The following GDA variants were observed in gnomAD, a reference collection of about 807,000 sequenced individuals.
The protein encoded by GDA is guanine deaminase.
A neutral mutation model predicts 59.6 loss-of-function variants in GDA; 18 were observed. The observed-to-expected ratio is 0.30, with a 90% CI of 0.21 to 0.45. GDA has a LOEUF of 0.45. GDA is among the 20% of genes least tolerant of loss of function. The pLI, the probability that GDA is intolerant of heterozygous loss-of-function variation, is 1.00. For missense variants in GDA, 427 were observed against 552.3 expected, an observed-to-expected ratio of 0.77 and a Z score of 2.27; for synonymous variants, 201 against 201.1, an observed-to-expected ratio of 1.00 and a Z score of 0.00.
chr9:72,177,343 G>A (rs1180392194), intron 1 of GDA, among the ~76,000 whole-genome samples: 5 of 151,958 alleles, frequency 3.3e-5, no homozygotes, highest in East Asian at 3.9e-4. Context: ...TGATCCACCC[G>A]CCTCGGCCTC....
At chr9:72,219,098 T>C (rs1836509706) in intron 5 of GDA, among the ~76,000 whole-genome samples, 1 of 152,088 alleles carries the variant, frequency 6.6e-6, no homozygotes, top group Non-Finnish European at 1.5e-5. Flanking sequence ...TTTTATCTTT[T>C]TAAAATGTTT....
intron 3 of GDA, among the ~76,000 whole-genome samples, chr9:72,208,083 C>T (rs886338360): frequency 4.6e-5 from 7 of 151,684 alleles, no homozygotes; most frequent in Non-Finnish European, 7.4e-5. Flanking sequence ...CACTCCAGAG[C>T]AAGACCCTGT....
intron 1 of GDA, among the ~76,000 whole-genome samples, chr9:72,168,294 G>T (rs942740703): frequency 5.9e-5 from 9 of 152,022 alleles, no homozygotes; most frequent in African/African-American, 2.2e-4. Context: ...CAGCTACGCA[G>T]GAGGCTTAGG....
chr9:72,192,930 T>C lies in GDA; in HGVS notation c.124-2570T>C, dbSNP rs149205253. On this transcript the variant is annotated intron_variant, in intron 1 of 13. Coordinates refer to ENST00000358399, the MANE Select transcript of GDA (RefSeq NM_004293.5). Reference sequence around the variant, plus strand: ...AAACAACAGTCTGATGCATTCTTCATTATGCCAATTGTATTTTTCAGCTTC... The same window carrying C: ...AAACAACAGTCTGATGCATTCTTCACTATGCCAATTGTATTTTTCAGCTTC... Among the ~76,000 whole-genome samples the C allele has an allele frequency of 1.1e-4, 17 of 152,248 alleles. No homozygotes were observed. The East Asian group carries it at 2.5e-3, about 23-fold the overall frequency.
intron 1 of GDA, among the ~76,000 whole-genome samples, chr9:72,180,467 G>T (rs1831053637): frequency 6.6e-6 from 1 of 152,192 alleles, no homozygotes; most frequent in African/African-American, 2.4e-5. Context: ...AGTCTATTGA[G>T]ATCAACTTTA....
intron 1 of GDA, among the ~76,000 whole-genome samples, chr9:72,162,157 G>A (rs1397579703): frequency 6.6e-6 from 1 of 152,112 alleles, no homozygotes; most frequent in Non-Finnish European, 1.5e-5. Context: ...GCAGAGCGTG[G>A]ACTCAATGGT....
chr9:72,160,863 G>T (rs139085785), intron 1 of GDA, among the ~76,000 whole-genome samples: 1 of 151,816 alleles, frequency 6.6e-6, no homozygotes. Context: ...CCTTCCATTC[G>T]CTGGATGGAT....
chr9:72,183,560 C>T (rs1371338744), intron 1 of GDA, among the ~76,000 whole-genome samples: 7 of 152,148 alleles, frequency 4.6e-5, no homozygotes, highest in East Asian at 1.9e-4. Context: ...AAATACATAA[C>T]GTAGTGTCTA....
chr9:72,119,173 AAAT>A (rs1024856250), intron 1 of GDA, among the ~76,000 whole-genome samples: 3 of 152,164 alleles, frequency 2.0e-5, no homozygotes, highest in African/African-American at 4.8e-5. Flanking sequence ...TCAGTGGAGG[AAAT>A]AATGTTTAGG....
intron 3 of GDA, among the ~76,000 whole-genome samples, chr9:72,204,771 A>G (rs1322890697): frequency 6.6e-6 from 1 of 152,128 alleles, no homozygotes; most frequent in Non-Finnish European, 1.5e-5. Context: ...CTCCATATAA[A>G]TTATTTCTGA....
Position 72,248,275 on chromosome 9 carries a change from A to T in GDA, c.1298A>T (p.Asp433Val). 2 of 1,605,460 alleles carry T rather than the reference A, an allele frequency of 1.2e-6. No homozygotes were observed. Among genetic ancestry groups the T allele is most frequent in the Non-Finnish European group, 1.7e-6 (2 of 1,172,210 alleles). Residue 433 changes from aspartate (D) to valine (V), a missense_variant, in exon 14 of 14, where the codon GAT (aspartate) becomes GTT (valine). Asp to Val is a radical substitution (Grantham distance 152, BLOSUM62 -3). Coordinates refer to ENST00000358399, the MANE Select transcript of GDA (RefSeq NM_004293.5). ...AVIQKFLYLG[D>V]DRNIEEVYVG... is the part of the protein sequence containing the mutation. ...GATTCCTTGATTTTTCTTTCAGGAG[A>T]TGATCGAAATATTGAAGAGGTTTAT...
chr9:72,183,697 A>G (rs1831542423), intron 1 of GDA, among the ~76,000 whole-genome samples: 1 of 152,224 alleles, frequency 6.6e-6, no homozygotes, highest in South Asian at 2.1e-4. Context: ...TGGGGCTAGT[A>G]ATAGTGCCTC....
intron 2 of GDA, among the ~76,000 whole-genome samples, chr9:72,198,846 G>GATATATATAT (rs141544036): frequency 0.013 from 1,624 of 128,622 alleles, 91 homozygotes; most frequent in African/African-American, 0.057. Context: ...TATATAGGGG[G>GATATATATAT]ATATATATAT....
chr9:72,142,239 C>G (rs1209209207), intron 1 of GDA, among the ~76,000 whole-genome samples: 1 of 152,024 alleles, frequency 6.6e-6, no homozygotes, highest in Middle Eastern at 3.2e-3. Context: ...GAGTTTCTGT[C>G]TTGTACTAGT....
intron 1 of GDA, among the ~76,000 whole-genome samples, chr9:72,137,594 T>C (rs371501821): frequency 1.3e-5 from 2 of 152,224 alleles, no homozygotes. Context: ...GTGGTGCTTC[T>C]AGAAGCTCAA....
Position 72,250,210 on chromosome 9 carries a change from G to T in GDA, c.*1868G>T. On this transcript the variant is annotated 3_prime_UTR_variant, in exon 14 of 14. Coordinates refer to ENST00000358399, the MANE Select transcript of GDA (RefSeq NM_004293.5). ...GATTACATGGTGTCTAACCAAATGA[G>T]CAGGCTTAGGAATTTAGATGAGATG... The T allele has an allele frequency of 3.0e-6, 3 of 985,706 alleles. No individual in the cohort carries two copies. The highest frequency in any genetic ancestry group is 3.6e-6 in the Non-Finnish European group (3 of 830,088). 61.1% of individuals were successfully genotyped at this position (985,706 alleles called of 1,614,324 possible).
At chr9:72,128,637 G>T (rs1162929122) in intron 1 of GDA, among the ~76,000 whole-genome samples, 1 of 152,078 alleles carries the variant, frequency 6.6e-6, no homozygotes, top group Non-Finnish European at 1.5e-5. Context: ...TTTGTATTAA[G>T]ATTTTGACAG....
At chr9:72,185,173 C>T (rs1188788368) in intron 1 of GDA, among the ~76,000 whole-genome samples, 3 of 152,154 alleles carry the variant, frequency 2.0e-5, no homozygotes, top group Non-Finnish European at 2.9e-5. Flanking sequence ...CAATATGGCC[C>T]GCAAAGCCTA....
At chr9:72,166,513 C>G (rs1829331087) in intron 1 of GDA, among the ~76,000 whole-genome samples, 1 of 151,998 alleles carries the variant, frequency 6.6e-6, no homozygotes, top group Non-Finnish European at 1.5e-5. Context: ...TTCAAAGTAG[C>G]TAGAAGACAG....
Sources: allele counts gnomAD v4.1 joint callset (sites outside exome capture counted in the v4.1 genomes callset), GRCh38; gene constraint gnomAD v4.1.1; transcripts MANE v1.5; gene names NCBI Gene and HGNC (gene_info 2026-07-23, HGNC 2026-07-21).